The following GNB4 variants were observed in gnomAD, a reference collection of about 807,000 sequenced individuals.
The protein encoded by GNB4 is G protein subunit beta 4, also known as guanine nucleotide-binding protein subunit beta-4.
GNB4 carries 28 observed loss-of-function variants against 45.2 expected under a neutral mutation model. The observed-to-expected ratio is 0.62, with a 90% CI of 0.46 to 0.85. GNB4 has a LOEUF of 0.85. GNB4 is among the 40% of genes least tolerant of loss of function. The probability of loss-of-function intolerance (pLI) is 0.00; values close to 1 mark genes in which losing one functional copy is unlikely to be tolerated. For missense variants in GNB4, 321 were observed against 425.4 expected, an observed-to-expected ratio of 0.75 and a Z score of 2.16; for synonymous variants, 132 against 143.7, an observed-to-expected ratio of 0.92 and a Z score of 0.58.
chr3:179,507,652 C>G, the GNB4 span, among the ~76,000 whole-genome samples: 26,417 of 152,054 alleles, frequency 0.17, 2,574 homozygotes, highest in African/African-American at 0.24. Context: ...GTGATTAAAT[C>G]TTATTCCCAC....
intron 2 of GNB4, among the ~76,000 whole-genome samples, chr3:179,423,735 C>G (rs1007453380): frequency 6.6e-6 from 1 of 151,348 alleles, no homozygotes; most frequent in Non-Finnish European, 1.5e-5. Context: ...GAGAAGAGAT[C>G]GCACCACTGC....
Position 179,416,368 on chromosome 3 carries a change from A to G in GNB4, c.267+125T>C, listed in dbSNP as rs551630247. On this transcript the variant is annotated intron_variant, in intron 5 of 9. Transcript: ENST00000232564. ...CACTAAGACAAAAGAGAAGAACTAGATTAAAATAAACAATAAATTTATCTC... is the reference window on the plus strand; with the variant it reads ...CACTAAGACAAAAGAGAAGAACTAGGTTAAAATAAACAATAAATTTATCTC... 2.2e-5 allele frequency: 14 copies of G among 629,356 alleles called. No individual in the cohort carries two copies. In the East Asian group the frequency reaches 4.4e-4, roughly 20 times the overall value. The allele number at this position is 629,356 out of a possible 1,614,324, so 39.0% of individuals were successfully genotyped here.
At chr3:179,507,666 C>T in the GNB4 span, among the ~76,000 whole-genome samples, 5 of 152,170 alleles carry the variant, frequency 3.3e-5, no homozygotes, top group Admixed American at 6.6e-5. Flanking sequence ...TTCCCACTCT[C>T]CCCATCCCCA....
rs892443405 is a variant in GNB4 at position 179,399,976 on chromosome 3, C to T, written c.*1237G>A. ...CACAGAAAAACTGTTTAATATAGCT[C>T]TCTAACTCCTTTAAGAACTGCTTTA... On this transcript the variant is annotated 3_prime_UTR_variant, in exon 10 of 10. Transcript: ENST00000232564. The T allele has an allele frequency of 2.0e-5, 3 of 152,206 alleles. No homozygotes were observed. The highest frequency in any genetic ancestry group is 4.4e-5 in the Non-Finnish European group (3 of 68,040). 9.4% of individuals were successfully genotyped at this position (152,206 alleles called of 1,614,324 possible). A position where few individuals can be genotyped will look rare whatever the true frequency, so the allele number is the denominator to read the frequency against.
intron 8 of GNB4, among the ~76,000 whole-genome samples, chr3:179,406,539 C>T (rs984541543): frequency 5.3e-5 from 8 of 152,064 alleles, no homozygotes; most frequent in Non-Finnish European, 7.4e-5. Context: ...AGGTAATCTG[C>T]GTTTTCATCT....
At chr3:179,404,823 C>T (rs1368662087) in intron 9 of GNB4, among the ~76,000 whole-genome samples, 4 of 152,142 alleles carry the variant, frequency 2.6e-5, no homozygotes, top group African/African-American at 9.7e-5. Context: ...GGTCTATGTC[C>T]TGTCCCATAC....
chr3:179,453,501 G>A (rs1577044611), upstream of GNB4, among the ~76,000 whole-genome samples: 1 of 152,176 alleles, frequency 6.6e-6, no homozygotes, highest in African/African-American at 2.4e-5. Context: ...TTTGAGAGCT[G>A]GTTGTTGGGT....
the GNB4 span, among the ~76,000 whole-genome samples, chr3:179,489,937 T>C: frequency 1.3e-5 from 2 of 152,338 alleles, no homozygotes; most frequent in African/African-American, 4.8e-5. Flanking sequence ...AAGATACATC[T>C]TAAGGACTGT....
In GNB4 at chr3:179,426,136, G is replaced by C; in HGVS notation, c.57+8C>G. The C allele has an allele frequency of 6.3e-7, 1 of 1,596,168 alleles. No homozygotes were observed. Among genetic ancestry groups the C allele is most frequent in the Non-Finnish European group, 8.5e-7 (1 of 1,174,188 alleles). Reference sequence around the variant, plus strand: ...AAGTGCTAACATTTTGAAATGAAAAGGTTTTACCTGAATCTGATTCCGCAG... The same window carrying C: ...AAGTGCTAACATTTTGAAATGAAAACGTTTTACCTGAATCTGATTCCGCAG... On this transcript the variant is annotated splice_region_variant and intron_variant, in intron 2 of 9. Coordinates refer to ENST00000232564, the MANE Select transcript of GNB4 (RefSeq NM_021629.4).
Position 179,420,468 on chromosome 3 carries a change from A to AT in GNB4, c.96+420dup, listed in dbSNP as rs1301172679. Among the ~76,000 whole-genome samples the AT allele has an allele frequency of 2.5e-3, 117 of 46,816 alleles. 1 individual carries two copies. The highest frequency in any genetic ancestry group is 5.6e-3 in the African/African-American group (89 of 15,756). The allele number at this position is 46,816 out of a possible 152,430, so 30.7% of individuals were successfully genotyped here. On this transcript the variant is annotated intron_variant, in intron 3 of 9. Coordinates refer to ENST00000232564, the MANE Select transcript of GNB4 (RefSeq NM_021629.4). ...AAAATATATATACATATATATATATATATTTTTTTTTGAGACGGCGTCTCA... is the reference window on the plus strand; with the variant it reads ...AAAATATATATACATATATATATATATTATTTTTTTTTGAGACGGCGTCTCA...
At chr3:179,484,996 T>C in the GNB4 span, among the ~76,000 whole-genome samples, 2 of 118,746 alleles carry the variant, frequency 1.7e-5, no homozygotes, top group South Asian at 3.4e-4. Context: ...TGGCAACTTT[T>C]TTCGTTTTGT....
chr3:179,492,224 A>T, the GNB4 span, among the ~76,000 whole-genome samples: 6 of 152,174 alleles, frequency 3.9e-5, no homozygotes, highest in African/African-American at 1.4e-4. Flanking sequence ...AGCCTTCACC[A>T]GGAAGGACCT....
chr3:179,472,553 A>G, the GNB4 span, among the ~76,000 whole-genome samples: 1 of 151,872 alleles, frequency 6.6e-6, no homozygotes, highest in African/African-American at 2.4e-5. Context: ...TTGTAGAGAC[A>G]GGGTTCTGCC....
chr3:179,447,717 T>C (rs73047175), intron 1 of GNB4, among the ~76,000 whole-genome samples: 302 of 152,200 alleles, frequency 2.0e-3, no homozygotes, highest in African/African-American at 7.0e-3. Flanking sequence ...GTGCAGGTGA[T>C]AGGAATGGTC....
rs1441845861 is a variant in GNB4, at chr3:179,426,256, G to A, written c.-42-14C>T. The A allele has an allele frequency of 1.3e-5, 17 of 1,291,438 alleles. 1 individual carries two copies. The South Asian group carries it at 2.1e-4, about 16-fold the overall frequency. 80.0% of individuals were successfully genotyped at this position (1,291,438 alleles called of 1,614,324 possible). A position where few individuals can be genotyped will look rare whatever the true frequency, so the allele number is the denominator to read the frequency against. On this transcript the variant is annotated splice_polypyrimidine_tract_variant and intron_variant, in intron 1 of 9. Coordinates refer to ENST00000232564, the MANE Select transcript of GNB4 (RefSeq NM_021629.4). Reference sequence around the variant, plus strand: ...GAGTGAAAACAGCTGTTAAAAAACAGAGAGCAAGAGAAAGATTCAGTTCTC... The same window carrying A: ...GAGTGAAAACAGCTGTTAAAAAACAAAGAGCAAGAGAAAGATTCAGTTCTC...
Position 179,396,670 on chromosome 3 carries a change from A to C in GNB4, c.*4543T>G, listed in dbSNP as rs1345513624. 1.3e-5 allele frequency: 2 copies of C among 152,194 alleles called. No homozygotes were observed. Among genetic ancestry groups the C allele is most frequent in the East Asian group, 3.8e-4 (2 of 5,204 alleles). The allele number at this position is 152,194 out of a possible 1,614,324, so 9.4% of individuals were successfully genotyped here. A position where few individuals can be genotyped will look rare whatever the true frequency, so the allele number is the denominator to read the frequency against. On this transcript the variant is annotated 3_prime_UTR_variant, in exon 10 of 10. Transcript: ENST00000232564. The stretch of plus-strand genomic sequence containing the variant: ...TTTTACAAAATCAGCAACTGGATTT[A>C]AGAAAGAAGACATAGGAGATTTTAT...
the GNB4 span, among the ~76,000 whole-genome samples, chr3:179,505,658 T>G: frequency 6.6e-6 from 1 of 152,258 alleles, no homozygotes. Flanking sequence ...CCCACTGACA[T>G]GACAACTTGA....
chr3:179,454,228 G>A (rs1274365510), upstream of GNB4, among the ~76,000 whole-genome samples: 5 of 152,180 alleles, frequency 3.3e-5, no homozygotes, highest in Non-Finnish European at 5.9e-5. Context: ...ACTCTATTAA[G>A]AGAGCATAGT....
chr3:179,456,722 C>T, the GNB4 span, among the ~76,000 whole-genome samples: 1 of 152,156 alleles, frequency 6.6e-6, no homozygotes, highest in South Asian at 2.1e-4. Context: ...TAATTATAGT[C>T]ACCTCTCTTC....
Sources: gnomAD v4.1 joint callset for allele counts (sites outside exome capture counted in the v4.1 genomes callset) on GRCh38, gnomAD v4.1.1 for gene constraint, MANE v1.5 for transcripts, NCBI Gene and HGNC (gene_info 2026-07-23, HGNC 2026-07-21) for gene names.